The following VPS13C variants were observed in gnomAD, a reference collection of about 807,000 sequenced individuals.
The protein encoded by VPS13C is vacuolar protein sorting 13 homolog C.
In VPS13C, 358 loss-of-function variants were observed where a neutral mutation model predicts 456.8. The ratio of observed to expected loss-of-function variants is 0.78; its 90% CI spans 0.72 to 0.86. The LOEUF (loss-of-function observed/expected upper bound fraction) is 0.86, where lower values mean the gene tolerates loss of function less well. Ranked by LOEUF, VPS13C falls within the 40% of genes least tolerant of loss-of-function variation. VPS13C has a pLI of 0.00. For missense variants in VPS13C, 4,818 were observed against 4,385.4 expected (o/e 1.10, Z -2.79); for synonymous variants, 1,578 against 1,486.7 (o/e 1.06, Z -1.41).
In VPS13C at chr15:61,982,471, T is replaced by G. The variant is rs752620577; in HGVS notation, c.2017A>C (p.Arg673=). ...TLMKLEEIKE[R]TATGLTHIIE... ...TCAAATTCTTCACCTGTAGCTGTTC[T>G]CTCCTTAATTTCTTCCAGCTTCATC... Residue 673 remains arginine (R), a synonymous_variant, in exon 21 of 85, where the codon AGA becomes CGA. Transcript: ENST00000644861. 4 of 1,608,278 alleles carry G rather than the reference T, an allele frequency of 2.5e-6. No homozygotes were observed. The East Asian group carries it at 6.7e-5, about 27-fold the overall frequency.
Position 62,060,000 on chromosome 15 carries a change from G to A in VPS13C, c.100+275C>T, listed in dbSNP as rs1441584302. Reference sequence around the variant, plus strand: ...CGAGAGGACCACAGAAACGGGCAGGGCGGGGACAGCAGGGCCAGGGCTTGG... The same window carrying A: ...CGAGAGGACCACAGAAACGGGCAGGACGGGGACAGCAGGGCCAGGGCTTGG... On this transcript the variant is annotated intron_variant, in intron 1 of 84. Transcript: ENST00000644861. 1.1e-4 allele frequency among the ~76,000 whole-genome samples: 16 copies of A among 152,240 alleles called. 1 individual carries two copies. Among genetic ancestry groups the A allele is most frequent in the Admixed American group, 1.0e-3 (16 of 15,288 alleles).
At chr15:62,057,015 C>T (rs1464122687) in intron 1 of VPS13C, among the ~76,000 whole-genome samples, 1 of 152,054 alleles carries the variant, frequency 6.6e-6, no homozygotes, top group African/African-American at 2.4e-5. Flanking sequence ...TACCGGTCTC[C>T]GCGCATTGGT....
chr15:62,012,274 T>C (rs2047071619), intron 11 of VPS13C, 110 bp from the exon 12 acceptor site: 1 of 581,826 alleles, frequency 1.7e-6, no homozygotes, highest in Non-Finnish European at 3.0e-6. Flanking sequence ...TGGTTCTTCA[T>C]CAATATCTTT....
At chr15:61,960,577 A>G (rs1483027557) in intron 35 of VPS13C, among the ~76,000 whole-genome samples, 1 of 152,224 alleles carries the variant, frequency 6.6e-6, no homozygotes, top group Admixed American at 6.5e-5. Context: ...ATGATAAAGT[A>G]TTTAGGGACA....
At chr15:61,965,230 A>G (rs1371123691) in intron 30 of VPS13C, among the ~76,000 whole-genome samples, 1 of 151,974 alleles carries the variant, frequency 6.6e-6, no homozygotes, top group African/African-American at 2.4e-5. Flanking sequence ...GCGAAATCCC[A>G]GAACCACCAT....
intron 61 of VPS13C, 107 bp downstream of exon 61, chr15:61,915,526 T>C (rs1331287171): frequency 1.7e-6 from 2 of 1,191,632 alleles, no homozygotes; most frequent in African/African-American, 1.6e-5. Flanking sequence ...TTCACACCAA[T>C]GGCATTTAGC....
intron 8 of VPS13C, among the ~76,000 whole-genome samples, chr15:62,022,636 T>C (rs980545743): frequency 2.6e-5 from 4 of 151,886 alleles, no homozygotes; most frequent in Non-Finnish European, 5.9e-5. Context: ...TCAAGTTACA[T>C]AGGGAACTTA....
In VPS13C at chr15:61,927,257, A is replaced by G; in HGVS notation, c.6350T>C (p.Val2117Ala). ...AMITDPEVVF[V>A]ASLTKADAPA... Reference sequence around the variant, plus strand: ...AGCATCAGCCTTTGTCAGGCTGGCAACAAATACCACTTCTGGATCTGTGAT... The same window carrying G: ...AGCATCAGCCTTTGTCAGGCTGGCAGCAAATACCACTTCTGGATCTGTGAT... Residue 2117 changes from valine to alanine, a missense_variant, in exon 52 of 85, where the codon GTT becomes GCT. Around this residue, in one of 3 missense-constraint regions of VPS13C, gnomAD observed 4,552 missense variants for 4,130.6 expected, o/e 1.10. Transcript: ENST00000644861. 1 of 1,614,198 alleles carries G rather than the reference A, an allele frequency of 6.2e-7. No individual in the cohort carries two copies. Among genetic ancestry groups the G allele is most frequent in the East Asian group, 2.2e-5 (1 of 44,882 alleles).
intron 27 of VPS13C, among the ~76,000 whole-genome samples, chr15:61,970,205 A>G (rs1596400140): frequency 6.6e-6 from 1 of 152,096 alleles, no homozygotes; most frequent in East Asian, 1.9e-4. Flanking sequence ...AATAGCCAGT[A>G]TCAATTGCAA....
At position 61,922,749 on chromosome 15, in the gene VPS13C, A is replaced by AT. The variant is rs753686966; in HGVS notation, c.6622dup (p.Ile2208AsnfsTer3). On this transcript the variant is annotated frameshift_variant, in exon 54 of 85. Transcript: ENST00000644861. LOFTEE classifies it high-confidence loss of function. ...CATGATTGTCAACACAGTATTAAGA[A>AT]TTATGGGTGAAATCTTTAAAAAAGA... 6.3e-7 allele frequency: 1 copy of AT among 1,579,168 alleles called. No homozygotes were observed. The highest frequency in any genetic ancestry group is 1.2e-5 in the South Asian group (1 of 84,156).
chr15:61,866,748 T>G, intron 81 of VPS13C: 5 of 985,116 alleles, frequency 5.1e-6, no homozygotes, highest in Non-Finnish European at 6.0e-6. Flanking sequence ...ACACGCTGGT[T>G]TTTGGATGTC....
chr15:61,915,953 C>T lies in VPS13C; in HGVS notation c.8125G>A (p.Glu2709Lys). 1 of 1,613,828 alleles carries T rather than the reference C, an allele frequency of 6.2e-7. No homozygotes were observed. The highest frequency in any genetic ancestry group is 8.5e-7 in the Non-Finnish European group (1 of 1,179,828). Residue 2709 changes from glutamate (E) to lysine (K), a missense_variant, in exon 61 of 85, where the codon GAA (glutamate) becomes AAA (lysine). Glu to Lys is a moderately conservative substitution (Grantham distance 56). Transcript: ENST00000644861. ...ADVLHSRISG[E>K]IMELVLVKYQ... Reference sequence around the variant, plus strand: ...TTCACCAGGACTAATTCCATTATTTCACCACTGATTCTCGAATGCAGAACA... The same window carrying T: ...TTCACCAGGACTAATTCCATTATTTTACCACTGATTCTCGAATGCAGAACA...
At chr15:61,943,895 G>A (rs2044516219) in intron 45 of VPS13C, among the ~76,000 whole-genome samples, 1 of 143,676 alleles carries the variant, frequency 7.0e-6, no homozygotes, top group Non-Finnish European at 1.5e-5. Flanking sequence ...TCTGACAAAG[G>A]TCTAACATCC....
chr15:62,017,209 C>T (rs1037329140), intron 9 of VPS13C, among the ~76,000 whole-genome samples: 3 of 152,052 alleles, frequency 2.0e-5, no homozygotes, highest in African/African-American at 4.8e-5. Context: ...GAGTAGGTTG[C>T]AAAAATTTTC....
At chr15:62,017,699 TA>T (rs2047308294) in intron 9 of VPS13C, among the ~76,000 whole-genome samples, 1 of 152,216 alleles carries the variant, frequency 6.6e-6, no homozygotes, top group Non-Finnish European at 1.5e-5. Context: ...CCTTGGAGTA[TA>T]GTTTGAAGTC....
rs535734893 is a variant in VPS13C, at chr15:61,921,424, G to C, written c.7062+523C>G. Among the ~76,000 whole-genome samples the C allele has an allele frequency of 4.6e-5, 7 of 151,980 alleles. No individual in the cohort carries two copies. The South Asian group carries it at 1.5e-3, about 32-fold the overall frequency. ...GTGTTCTCAAAAAACAACATAAAAA[G>C]ATAACACACAAGAGTTCATTAACAA... On this transcript the variant is annotated intron_variant, in intron 55 of 84. Coordinates refer to ENST00000644861, the MANE Select transcript of VPS13C (RefSeq NM_020821.3).
At chr15:61,892,192 A>G (rs943571793) in intron 66 of VPS13C, among the ~76,000 whole-genome samples, 1 of 152,346 alleles carries the variant, frequency 6.6e-6, no homozygotes, top group Admixed American at 6.5e-5. Flanking sequence ...GAGAAGCAGG[A>G]TTAAAAACTC....
chr15:61,970,613 T>C (rs949549927), intron 27 of VPS13C, among the ~76,000 whole-genome samples: 7 of 152,066 alleles, frequency 4.6e-5, no homozygotes, highest in South Asian at 2.1e-4. Context: ...CTGGGCAACA[T>C]AGTAAAACCG....
intron 15 of VPS13C, among the ~76,000 whole-genome samples, chr15:62,002,089 C>G (rs905144781): frequency 1.1e-4 from 17 of 152,232 alleles, no homozygotes; most frequent in Admixed American, 3.9e-4. Context: ...CTGAGGAATC[C>G]CCACGCTGAC....
Sources: allele counts gnomAD v4.1 joint callset (sites outside exome capture counted in the v4.1 genomes callset), GRCh38; gene constraint gnomAD v4.1.1; regional missense constraint gnomAD v4.1.1; transcripts MANE v1.5; gene names NCBI Gene and HGNC (gene_info 2026-07-23, HGNC 2026-07-21).